Variants in TTLL11 observed in about 807,000 individuals in gnomAD.
The protein encoded by TTLL11 is tubulin tyrosine ligase like 11, also known as tubulin polyglutamylase TTLL11.
A neutral mutation model predicts 51.7 loss-of-function variants in TTLL11; 42 were observed. That is an observed-to-expected ratio of 0.81 (90% CI 0.64 to 1.05). TTLL11 has a LOEUF of 1.05. TTLL11 is among the 50% of genes least tolerant of loss of function. The probability of loss-of-function intolerance (pLI) is 0.00; values close to 1 mark genes in which losing one functional copy is unlikely to be tolerated. For synonymous variants in TTLL11, 381 were observed against 383.5 expected (o/e 0.99, Z 0.08); for missense variants, 799 against 940.4 (o/e 0.85, Z 1.97).
rs1846015575 is a variant in TTLL11 at position 122,082,085 on chromosome 9, G to A, written c.462+10602C>T. Among the ~76,000 whole-genome samples the A allele has an allele frequency of 2.6e-5, 4 of 152,312 alleles. No individual in the cohort carries two copies. The South Asian group carries it at 8.3e-4, about 32-fold the overall frequency. On this transcript the variant is annotated intron_variant, in intron 1 of 8. Transcript: ENST00000321582. ...GTATTGGAGCAGATATGCAAAAACA[G>A]GCAGTCTCAAACCCTGCTGAGGGCA...
chr9:122,070,297 G>C (rs1845695342), intron 1 of TTLL11, among the ~76,000 whole-genome samples: 1 of 152,144 alleles, frequency 6.6e-6, no homozygotes, highest in Admixed American at 6.5e-5. Context: ...AGCTCTGTGT[G>C]AGCAAAGGTT....
chr9:122,069,198 C>T (rs1845667694), intron 1 of TTLL11, among the ~76,000 whole-genome samples: 1 of 152,160 alleles, frequency 6.6e-6, no homozygotes, highest in Non-Finnish European at 1.5e-5. Context: ...TCCTGTGAGT[C>T]AGGCACTGTT....
intron 1 of TTLL11, among the ~76,000 whole-genome samples, chr9:122,039,868 T>C (rs894333812): frequency 2.0e-5 from 3 of 151,168 alleles, no homozygotes; most frequent in Non-Finnish European, 2.9e-5. Flanking sequence ...CTTATCTCTC[T>C]CTCTCTCTCT....
intron 6 of TTLL11, among the ~76,000 whole-genome samples, chr9:121,938,218 T>C (rs2900197): frequency 0.91 from 137,549 of 150,914 alleles, 63,149 homozygotes; most frequent in Non-Finnish European, 0.97. Context: ...GAACCCGGGA[T>C]GCAGAGGTTT....
chr9:122,003,762 G>A (rs1307532443), intron 3 of TTLL11, among the ~76,000 whole-genome samples: 2 of 151,152 alleles, frequency 1.3e-5, no homozygotes, highest in African/African-American at 4.9e-5. Flanking sequence ...TGGGATTACA[G>A]GCATGAGCCA....
rs1431828047 is a variant in TTLL11 at position 121,989,629 on chromosome 9, C to A, written c.835G>T (p.Ala279Ser). 1.9e-6 allele frequency: 3 copies of A among 1,614,168 alleles called. No individual in the cohort carries two copies. In the East Asian group the frequency reaches 6.7e-5, roughly 36 times the overall value. ...TTGCAGATGTACTCCTGGACCACCG[C>A]TGGCCTGCTCTGGAGGGTCCCTGCC... ...RLAGTLQSRP[A>S]VVQEYICKPL... Residue 279 changes from alanine to serine, a missense_variant, in exon 4 of 9, where the codon GCG (alanine) becomes TCG (serine). Coordinates refer to ENST00000321582, the MANE Select transcript of TTLL11 (RefSeq NM_001139442.2). This position sits in a 1 kb window ranked among gnomAD's most constrained non-coding sequence, Gnocchi z 4.2.
intron 6 of TTLL11, among the ~76,000 whole-genome samples, chr9:121,969,796 T>A (rs533699840): frequency 2.0e-5 from 3 of 152,192 alleles, no homozygotes; most frequent in Non-Finnish European, 4.4e-5. Context: ...TGGAGTGACA[T>A]AGTCTCAGAT....
intron 1 of TTLL11, among the ~76,000 whole-genome samples, chr9:122,082,501 C>CAAAAAAA (rs35349693): frequency 2.4e-5 from 2 of 84,650 alleles, no homozygotes; most frequent in African/African-American, 3.8e-5. Flanking sequence ...GACTCTGTCT[C>CAAAAAAA]AAAAAAAAAA....
intron 6 of TTLL11, among the ~76,000 whole-genome samples, chr9:121,897,753 T>A (rs1204571247): frequency 6.6e-5 from 10 of 152,142 alleles, no homozygotes; most frequent in Non-Finnish European, 4.4e-5. Context: ...TTCTGATGCA[T>A]CCCTGGGTAC....
chr9:122,075,036 A>G (rs1845825891), intron 1 of TTLL11, among the ~76,000 whole-genome samples: 1 of 152,222 alleles, frequency 6.6e-6, no homozygotes, highest in African/African-American at 2.4e-5. Context: ...TCACATTCAT[A>G]TTGTAATTCA....
At chr9:122,068,672 G>C (rs913294991) in intron 1 of TTLL11, among the ~76,000 whole-genome samples, 3 of 152,160 alleles carry the variant, frequency 2.0e-5, no homozygotes, top group Non-Finnish European at 4.4e-5. Flanking sequence ...GATTTTGGCC[G>C]ACTCCAAATC....
chr9:121,854,751 G>A (rs891366716), intron 8 of TTLL11, among the ~76,000 whole-genome samples: 1 of 152,106 alleles, frequency 6.6e-6, no homozygotes, highest in African/African-American at 2.4e-5. Flanking sequence ...AGGACCTCCT[G>A]AGTGCAATTT....
chr9:122,080,284 G>A (rs1845969346), intron 1 of TTLL11, among the ~76,000 whole-genome samples: 1 of 152,148 alleles, frequency 6.6e-6, no homozygotes, highest in Non-Finnish European at 1.5e-5. Context: ...AGCATAAATT[G>A]CTAAAACTAT....
At chr9:121,934,320 G>A (rs1415474221) in intron 6 of TTLL11, among the ~76,000 whole-genome samples, 5 of 151,920 alleles carry the variant, frequency 3.3e-5, no homozygotes, top group East Asian at 1.9e-4. Context: ...ACTATATAAC[G>A]TCATACCTGC....
chr9:121,897,647 C>CGCGT (rs890555086), intron 6 of TTLL11, among the ~76,000 whole-genome samples: 4 of 152,044 alleles, frequency 2.6e-5, no homozygotes, highest in South Asian at 2.1e-4. Context: ...CACACGCGCG[C>CGCGT]GCGAAGTCTC....
chr9:122,036,198 C>G (rs1299778420), intron 2 of TTLL11, among the ~76,000 whole-genome samples: 2 of 152,010 alleles, frequency 1.3e-5, no homozygotes, highest in African/African-American at 4.8e-5. Flanking sequence ...TTCTCTGTGT[C>G]TTTATAGCCC....
chr9:122,008,560 C>G (rs182667001), intron 3 of TTLL11, among the ~76,000 whole-genome samples: 2 of 152,202 alleles, frequency 1.3e-5, no homozygotes, highest in African/African-American at 4.8e-5. Flanking sequence ...ATCAAAAAGA[C>G]ATGATCTTGG....
Position 121,989,039 on chromosome 9 carries a change from A to T in TTLL11, c.1269+156T>A. 6.7e-7 allele frequency: 1 copy of T among 1,496,482 alleles called. No individual in the cohort carries two copies. The highest frequency in any genetic ancestry group is 8.9e-7 in the Non-Finnish European group (1 of 1,123,012). The allele number at this position is 1,496,482 out of a possible 1,614,324, so 92.7% of individuals were successfully genotyped here. ...ACAGGGAGCAAACAGAAAGCTTGGA[A>T]GTTGGGCCCAGGTTTAACACCCAAG... On this transcript the variant is annotated intron_variant, in intron 4 of 8. Transcript: ENST00000321582. This position sits in a 1 kb window ranked among gnomAD's most constrained non-coding sequence, Gnocchi z 4.2.
intron 6 of TTLL11, among the ~76,000 whole-genome samples, chr9:121,903,313 T>A (rs1839832982): frequency 1.3e-5 from 2 of 152,198 alleles, no homozygotes; most frequent in African/African-American, 2.4e-5. Context: ...TACTGCTTTT[T>A]GCTCTTGGGT....
Sources: gnomAD v4.1 joint callset for allele counts (sites outside exome capture counted in the v4.1 genomes callset) on GRCh38, gnomAD v4.1.1 for gene constraint, Gnocchi (gnomAD v3.1) non-coding constraint, MANE v1.5 for transcripts, NCBI Gene and HGNC (gene_info 2026-07-23, HGNC 2026-07-21) for gene names.